The following HMG20A variants were observed in gnomAD, a reference collection of about 807,000 sequenced individuals.
HMG20A encodes the protein high mobility group 20A, also known as high mobility group protein 20A.
In HMG20A, 17 loss-of-function variants were observed where a neutral mutation model predicts 43.9. The ratio of observed to expected loss-of-function variants is 0.39; its 90% CI spans 0.27 to 0.58. The LOEUF is 0.58. HMG20A is among the 20% of genes least tolerant of loss of function. The pLI, the probability that HMG20A is intolerant of heterozygous loss-of-function variation, is 0.59. For missense variants in HMG20A, 341 were observed against 438.2 expected (o/e 0.78, Z 1.98); for synonymous variants, 132 against 147.5 (o/e 0.89, Z 0.76).
intron 1 of HMG20A, among the ~76,000 whole-genome samples, chr15:77,436,298 G>A (rs567113663): frequency 5.3e-5 from 8 of 152,074 alleles, no homozygotes; most frequent in African/African-American, 1.9e-4. Context: ...ACCACTGCAA[G>A]ATTCTATTGA....
the HMG20A span, among the ~76,000 whole-genome samples, chr15:77,511,417 C>T: frequency 6.6e-6 from 1 of 152,318 alleles, no homozygotes. Context: ...GGAATCAGGG[C>T]TCCTTGGAGA....
chr15:77,495,521 C>T, the HMG20A span, among the ~76,000 whole-genome samples: 1 of 152,110 alleles, frequency 6.6e-6, no homozygotes, highest in Non-Finnish European at 1.5e-5. Flanking sequence ...TGCACTCCAG[C>T]CTGGGCATCA....
At chr15:77,456,634 C>CA (rs34114445) in intron 1 of HMG20A, among the ~76,000 whole-genome samples, 4,382 of 95,212 alleles carry the variant, frequency 0.046, 115 homozygotes, top group Non-Finnish European at 0.06. Flanking sequence ...GCGAGACTGT[C>CA]AAAAAAAAAA....
intron 1 of HMG20A, among the ~76,000 whole-genome samples, chr15:77,442,380 G>A (rs2073622191): frequency 6.6e-6 from 1 of 152,150 alleles, no homozygotes; most frequent in Non-Finnish European, 1.5e-5. Flanking sequence ...TATCTGTCAA[G>A]AAAATGAACT....
At chr15:77,476,355 G>A (rs1475476549) in intron 6 of HMG20A, among the ~76,000 whole-genome samples, 1 of 151,904 alleles carries the variant, frequency 6.6e-6, no homozygotes, top group African/African-American at 2.4e-5. Context: ...CATGGTGGTG[G>A]GCACCTGTAA....
chr15:77,441,436 A>G (rs746535955), intron 1 of HMG20A, among the ~76,000 whole-genome samples: 5 of 152,172 alleles, frequency 3.3e-5, no homozygotes, highest in Non-Finnish European at 7.4e-5. Flanking sequence ...TCTAGTTCAT[A>G]TAATTAAATA....
intron 1 of HMG20A, among the ~76,000 whole-genome samples, chr15:77,422,350 G>T (rs1193526040): frequency 6.6e-6 from 1 of 152,152 alleles, no homozygotes; most frequent in Non-Finnish European, 1.5e-5. Context: ...AAAGCTGTTT[G>T]GTCACGCCTG....
At chr15:77,472,214 G>A (rs1339171815) in intron 6 of HMG20A, among the ~76,000 whole-genome samples, 1 of 152,046 alleles carries the variant, frequency 6.6e-6, no homozygotes, top group Non-Finnish European at 1.5e-5. Context: ...AAAGCGAACT[G>A]TTCAACTACA....
chr15:77,482,281 T>C (rs931746089), intron 9 of HMG20A: 1 of 152,202 alleles, frequency 6.6e-6, no homozygotes, highest in East Asian at 1.9e-4. Context: ...GAATTTTAGC[T>C]CATTTTAAAA....
chr15:77,486,862 T>C (rs551451778), downstream of HMG20A, among the ~76,000 whole-genome samples: 22 of 152,366 alleles, frequency 1.4e-4, no homozygotes, highest in South Asian at 3.3e-3. Context: ...TGATTGCCAG[T>C]AACTATCAGG....
At chr15:77,462,772 CTT>C (rs71145836) in intron 2 of HMG20A, among the ~76,000 whole-genome samples, 10,236 of 126,976 alleles carry the variant, frequency 0.081, 174 homozygotes, top group Non-Finnish European at 0.097. Flanking sequence ...TTTTCTTTTT[CTT>C]TTTTTTTTTT....
chr15:77,437,150 G>C (rs1356157568), intron 1 of HMG20A, among the ~76,000 whole-genome samples: 38 of 152,134 alleles, frequency 2.5e-4, no homozygotes, highest in Admixed American at 2.5e-3. Context: ...AGTCTCCCCT[G>C]TTATTCTATA....
Position 77,441,211 on chromosome 15 carries a change from C to T in HMG20A, c.-4-17193C>T, listed in dbSNP as rs1263986999. Among the ~76,000 whole-genome samples the T allele has an allele frequency of 5.3e-5, 8 of 152,100 alleles. No homozygotes were observed. In the East Asian group the frequency reaches 9.7e-4, roughly 18 times the overall value. ...GCTTGCCCAAGTTCCACAGCTAATA[C>T]GTAAAAGATGAGATTGGAATCTAGG... On this transcript the variant is annotated intron_variant, in intron 1 of 9. Coordinates refer to ENST00000336216, the MANE Select transcript of HMG20A (RefSeq NM_001304504.2).
At chr15:77,464,098 AATACGTTGTTTACATTT>A in intron 2 of HMG20A, 125 bp from the exon 3 acceptor site, 1 of 912,998 alleles carries the variant, frequency 1.1e-6, no homozygotes, top group Non-Finnish European at 1.6e-6. Flanking sequence ...AACGTCTGTG[AATACGTTGTTTACATTT>A]ATACAGATTA....
chr15:77,429,913 T>C (rs2073466966), intron 1 of HMG20A, among the ~76,000 whole-genome samples: 1 of 152,208 alleles, frequency 6.6e-6, no homozygotes, highest in African/African-American at 2.4e-5. Context: ...ATATTTTCTA[T>C]ATAATAATAA....
At chr15:77,424,432 A>G (rs1329738478) in intron 1 of HMG20A, among the ~76,000 whole-genome samples, 1 of 152,170 alleles carries the variant, frequency 6.6e-6, no homozygotes, top group Non-Finnish European at 1.5e-5. Flanking sequence ...TGAGCAATTT[A>G]TTTGACCTCC....
At chr15:77,432,310 GA>G (rs1454921617) in intron 1 of HMG20A, among the ~76,000 whole-genome samples, 1 of 151,864 alleles carries the variant, frequency 6.6e-6, no homozygotes, top group Non-Finnish European at 1.5e-5. Context: ...TATTAGAATA[GA>G]AAAAAGTAAA....
At chr15:77,491,999 CTA>C in the HMG20A span, among the ~76,000 whole-genome samples, 1 of 152,228 alleles carries the variant, frequency 6.6e-6, no homozygotes, top group Non-Finnish European at 1.5e-5. Context: ...ATAAGGAAAA[CTA>C]CACCACAGCC....
the HMG20A span, among the ~76,000 whole-genome samples, chr15:77,511,089 A>G: frequency 6.6e-6 from 1 of 152,230 alleles, no homozygotes; most frequent in Non-Finnish European, 1.5e-5. Context: ...ATGCAAGGGC[A>G]TTGAGCAATA....
Sources: gnomAD v4.1 joint callset for allele counts (sites outside exome capture counted in the v4.1 genomes callset) on GRCh38, gnomAD v4.1.1 for gene constraint, MANE v1.5 for transcripts, NCBI Gene and HGNC (gene_info 2026-07-23, HGNC 2026-07-21) for gene names.